Variants in ITFG1 observed in about 807,000 individuals in gnomAD.
ITFG1 encodes the protein T-cell immunomodulatory protein.
ITFG1 carries 34 observed loss-of-function variants against 81.8 expected under a neutral mutation model. The ratio of observed to expected loss-of-function variants is 0.42; its 90% CI spans 0.32 to 0.55. The LOEUF (loss-of-function observed/expected upper bound fraction) is 0.55. ITFG1 is among the 20% of genes least tolerant of loss of function. The pLI, the probability that ITFG1 is intolerant of heterozygous loss-of-function variation, is 0.17. For synonymous variants in ITFG1, 285 were observed against 270.6 expected, an observed-to-expected ratio of 1.05 and a Z score of -0.52; for missense variants, 672 against 755.4, an observed-to-expected ratio of 0.89 and a Z score of 1.29.
rs9929695 is a variant in ITFG1, at chr16:47,430,088, C to T, written c.561-1190G>A. ...TTTTTTTTTTTTTGAATCAGAGTCT[C>T]GCTCTGTCACCCAGGTTGTAGTGCA... On this transcript the variant is annotated intron_variant, in intron 5 of 17. Transcript: ENST00000320640. Among the ~76,000 whole-genome samples, 610 of 144,438 alleles carry T rather than the reference C, an allele frequency of 4.2e-3. 6 individuals are homozygous for T. Among genetic ancestry groups the T allele is most frequent in the African/African-American group, 0.015 (569 of 39,014 alleles). 94.8% of individuals were successfully genotyped at this position (144,438 alleles called of 152,430 possible). A position where few individuals can be genotyped will look rare whatever the true frequency, so the allele number is the denominator to read the frequency against.
At chr16:47,358,723 C>T (rs1968071985) in intron 8 of ITFG1, among the ~76,000 whole-genome samples, 2 of 152,100 alleles carry the variant, frequency 1.3e-5, no homozygotes, top group South Asian at 4.1e-4. Context: ...AATGTTAATA[C>T]TGAATAGTTA....
At chr16:47,381,339 A>G (rs1007112540) in intron 6 of ITFG1, among the ~76,000 whole-genome samples, 1 of 152,218 alleles carries the variant, frequency 6.6e-6, no homozygotes, top group Admixed American at 6.5e-5. Flanking sequence ...TGATGTCTCA[A>G]GTTTTAAGAA....
intron 7 of ITFG1, among the ~76,000 whole-genome samples, chr16:47,371,080 G>A (rs1968247773): frequency 6.6e-6 from 1 of 152,104 alleles, no homozygotes; most frequent in Non-Finnish European, 1.5e-5. Context: ...GAACTCACTA[G>A]GGGCTTCTGT....
intron 6 of ITFG1, among the ~76,000 whole-genome samples, chr16:47,400,457 T>TAC (rs111375193): frequency 0.088 from 12,088 of 136,850 alleles, 536 homozygotes; most frequent in African/African-American, 0.12. Flanking sequence ...AGAGTCACTT[T>TAC]ACACACACAC....
chr16:47,355,299 A>G (rs1968023192), intron 8 of ITFG1, among the ~76,000 whole-genome samples: 1 of 152,156 alleles, frequency 6.6e-6, no homozygotes, highest in Admixed American at 6.5e-5. Context: ...CCCAGAAAAT[A>G]AATACCATAT....
intron 2 of ITFG1, among the ~76,000 whole-genome samples, chr16:47,457,345 T>C (rs1969467165): frequency 6.6e-6 from 1 of 151,428 alleles, no homozygotes; most frequent in South Asian, 2.1e-4. Context: ...AAAGAAATAC[T>C]GTACATTACT....
At chr16:47,344,689 G>C (rs1347331297) in intron 8 of ITFG1, among the ~76,000 whole-genome samples, 1 of 152,092 alleles carries the variant, frequency 6.6e-6, no homozygotes, top group African/African-American at 2.4e-5. Flanking sequence ...ATTTGGTACA[G>C]GCATTAACCA....
At chr16:47,354,591 G>A (rs1968013028) in intron 8 of ITFG1, among the ~76,000 whole-genome samples, 1 of 151,994 alleles carries the variant, frequency 6.6e-6, no homozygotes, top group Non-Finnish European at 1.5e-5. Flanking sequence ...CACATCAAAG[G>A]AAACAAGTAA....
intron 8 of ITFG1, among the ~76,000 whole-genome samples, chr16:47,359,126 A>C (rs1968077607): frequency 6.6e-6 from 1 of 152,196 alleles, no homozygotes; most frequent in South Asian, 2.1e-4. Flanking sequence ...CAAGGAGGCA[A>C]TGTGACTGGA....
At chr16:47,415,047 C>T (rs1968857235) in intron 6 of ITFG1, among the ~76,000 whole-genome samples, 1 of 152,172 alleles carries the variant, frequency 6.6e-6, no homozygotes, top group South Asian at 2.1e-4. Flanking sequence ...TGTCTAAAAT[C>T]AAATTCTTCA....
chr16:47,444,741 A>G (rs995799147), intron 5 of ITFG1, among the ~76,000 whole-genome samples: 1 of 152,196 alleles, frequency 6.6e-6, no homozygotes, highest in African/African-American at 2.4e-5. Flanking sequence ...TACGAATTTG[A>G]TGGTCCTAGA....
chr16:47,360,315 G>T (rs780830876), intron 8 of ITFG1, among the ~76,000 whole-genome samples: 1 of 152,086 alleles, frequency 6.6e-6, no homozygotes, highest in Non-Finnish European at 1.5e-5. Flanking sequence ...CAGTGATATG[G>T]TACAGTAGTA....
At chr16:47,397,488 G>A (rs570821911) in intron 6 of ITFG1, among the ~76,000 whole-genome samples, 1 of 152,334 alleles carries the variant, frequency 6.6e-6, no homozygotes, top group Admixed American at 6.5e-5. Context: ...GATGTAGACA[G>A]GTTGACAGCT....
chr16:47,326,981 G>A (rs1220955753), intron 8 of ITFG1, among the ~76,000 whole-genome samples: 1 of 152,058 alleles, frequency 6.6e-6, no homozygotes, highest in African/African-American at 2.4e-5. Flanking sequence ...CTACTTTAAA[G>A]TGCATATGGA....
chr16:47,419,009 C>T (rs898383384), intron 6 of ITFG1, among the ~76,000 whole-genome samples: 1 of 152,138 alleles, frequency 6.6e-6, no homozygotes, highest in Non-Finnish European at 1.5e-5. Flanking sequence ...GATAATAATT[C>T]TTATGGTCCA....
In ITFG1 at chr16:47,380,650, G is replaced by A. The variant is rs115683206; in HGVS notation, c.656-4710C>T. Reference sequence around the variant, plus strand: ...GTATAGGGAGAGTGGGGTGAGTTGTGGCTTGGAATAAAGATTTGGTGGCTT... The same window carrying A: ...GTATAGGGAGAGTGGGGTGAGTTGTAGCTTGGAATAAAGATTTGGTGGCTT... On this transcript the variant is annotated intron_variant, in intron 6 of 17. Transcript: ENST00000320640. Among the ~76,000 whole-genome samples, 321 of 152,190 alleles carry A rather than the reference G, an allele frequency of 2.1e-3. 1 individual carries two copies. Among genetic ancestry groups the A allele is most frequent in the African/African-American group, 7.6e-3 (315 of 41,530 alleles).
chr16:47,336,019 C>T (rs73541086), intron 8 of ITFG1, among the ~76,000 whole-genome samples: 10,446 of 152,182 alleles, frequency 0.069, 599 homozygotes, highest in African/African-American at 0.15. Context: ...CAATGGAATA[C>T]CACTCAGCAA....
rs1968647912 is a variant in ITFG1, at chr16:47,400,531, G to A, written c.656-24591C>T. On this transcript the variant is annotated intron_variant, in intron 6 of 17. Coordinates refer to ENST00000320640, the MANE Select transcript of ITFG1 (RefSeq NM_030790.5). ...TGTGTCAGGAGTTGGAGCAAAACCA[G>A]TTAACAGGGAAGACAGAGTCACCTT... Among the ~76,000 whole-genome samples, 5 of 151,852 alleles carry A rather than the reference G, an allele frequency of 3.3e-5. No individual in the cohort carries two copies. The South Asian group carries it at 1.0e-3, about 32-fold the overall frequency.
At chr16:47,344,757 A>G (rs1170426684) in intron 8 of ITFG1, among the ~76,000 whole-genome samples, 1 of 152,020 alleles carries the variant, frequency 6.6e-6, no homozygotes, top group Non-Finnish European at 1.5e-5. Context: ...CCATCCTCCT[A>G]CTGTCTATGT....
Sources: gnomAD v4.1 joint callset for allele counts (sites outside exome capture counted in the v4.1 genomes callset) on GRCh38, gnomAD v4.1.1 for gene constraint, MANE v1.5 for transcripts, NCBI Gene and HGNC (gene_info 2026-07-23, HGNC 2026-07-21) for gene names.